CHTF18: variants seen among roughly 807,000 people sequenced by gnomAD.
CHTF18 encodes chromosome transmission fidelity protein 18 homolog.
CHTF18 carries 151 observed loss-of-function variants against 113.4 expected under a neutral mutation model. The observed-to-expected ratio is 1.33, with a 90% CI of 1.17 to 1.52. The LOEUF is 1.52. CHTF18 is among the 40% of genes most tolerant of loss of function. The pLI is 0.00. For missense variants in CHTF18, 1,982 were observed against 1,381.6 expected (o/e 1.43, Z -6.89); for synonymous variants, 916 against 598.8 (o/e 1.53, Z -7.74).
intron 16 of CHTF18, 118 bp downstream of exon 16, chr16:795,474 C>T (rs1199961323): frequency 2.3e-6 from 1 of 437,712 alleles, no homozygotes; most frequent in Non-Finnish European, 3.8e-6. Flanking sequence ...GTGTGGCTGC[C>T]CCCGGCCCCG....
chr16:791,433 C>G (rs533940723), intron 8 of CHTF18, 63 bp downstream of exon 8: 2 of 1,501,560 alleles, frequency 1.3e-6, no homozygotes, highest in South Asian at 1.3e-5. Flanking sequence ...CGCCGGCACC[C>G]TTGCAGCCTG....
In CHTF18 at chr16:794,152, G is replaced by C. The variant is rs757008894; in HGVS notation, c.1901G>C (p.Arg634Pro). ...ACCTCCGCCTCACAGCGATTCTACC[G>C]TGTCCTGCATGCCGCTGCCTCTGCG... The part of the protein sequence containing the change: ...SLTSASQRFY[R>P]VLHAAASAGE... The change falls in exon 15 of 22, where the codon CGT (arginine) becomes CCT (proline). Residue 634 changes from arginine (R) to proline (P), a missense_variant. By Grantham distance (103) the Arg-to-Pro change is moderately radical. Coordinates refer to ENST00000262315, the MANE Select transcript of CHTF18 (RefSeq NM_022092.3). 94 of 1,612,324 alleles carry C rather than the reference G, an allele frequency of 5.8e-5. No homozygotes were observed. In the East Asian group the frequency reaches 1.1e-3, roughly 19 times the overall value.
intron 4 of CHTF18, 143 bp downstream of exon 4, chr16:789,858 G>A (rs931604822): frequency 4.5e-6 from 6 of 1,327,756 alleles, no homozygotes; most frequent in East Asian, 2.5e-5. Flanking sequence ...TGCGTCATGG[G>A]GCGTAGACTT....
chr16:789,382 G>A (rs755845947), intron 3 of CHTF18, 22 bp downstream of exon 3: 17 of 1,563,648 alleles, frequency 1.1e-5, no homozygotes, highest in East Asian at 4.5e-5. Context: ...GGACATGGGC[G>A]TCCCATCCCA....
At position 796,504 on chromosome 16, in the gene CHTF18, A is replaced by G. The variant is rs1329908307; in HGVS notation, c.2457-213A>G. The stretch of plus-strand genomic sequence containing the variant: ...GTGGCAGCCATCGGCAGGTTTCATC[A>G]TCATCCCACGTACACTTGCAGTTGG... On this transcript the variant is annotated intron_variant, in intron 18 of 21. Coordinates refer to ENST00000262315, the MANE Select transcript of CHTF18 (RefSeq NM_022092.3). 6.6e-6 allele frequency: 4 copies of G among 610,190 alleles called. No homozygotes were observed. The South Asian group carries it at 6.6e-5, about 10-fold the overall frequency. The allele number at this position is 610,190 out of a possible 1,614,324, so 37.8% of individuals were successfully genotyped here.
chr16:795,755 G>A lies in CHTF18; in HGVS notation c.2246G>A (p.Arg749His), dbSNP rs758990918. 14 of 1,608,044 alleles carry A rather than the reference G, an allele frequency of 8.7e-6. No individual in the cohort carries two copies. The highest frequency in any genetic ancestry group is 5.5e-5 in the South Asian group (5 of 90,552). The stretch of plus-strand genomic sequence containing the variant: ...GTGTCCGGCATCGCGCCAGCCACGC[G>A]CAGCCGGGCCACGCCCCAGGCCCTG... ...TLVSGIAPAT[R>H]SRATPQALLL... Residue 749 changes from arginine to histidine, a missense_variant, in exon 17 of 22, where the codon CGC becomes CAC. Coordinates refer to ENST00000262315, the MANE Select transcript of CHTF18 (RefSeq NM_022092.3).
In CHTF18 at chr16:790,624, T is replaced by A. The variant is rs61754097; in HGVS notation, c.852T>A (p.Asp284Glu). The stretch of plus-strand genomic sequence containing the variant: ...CCTCCAGTCACTGCCTCTGGGTGGA[T>A]GAGTTTGCACCCCGCCACTACACGG... Reference protein sequence around the residue: ...QDASSHCLWVDEFAPRHYTEL... With the variant: ...QDASSHCLWVEEFAPRHYTEL... Residue 284 changes from aspartate to glutamate, a missense_variant, in exon 7 of 22, where the codon GAT becomes GAA. Coordinates refer to ENST00000262315, the MANE Select transcript of CHTF18 (RefSeq NM_022092.3). 1.1e-3 allele frequency: 1,727 copies of A among 1,589,444 alleles called. 12 individuals are homozygous for A. The African/African-American group carries it at 0.017, about 16-fold the overall frequency.
Position 788,644 on chromosome 16 carries a change from G to T in CHTF18, c.-41G>T. ...CGGGCAGTGCGCGACGGCGGCGGCG[G>T]CGCGGGAGGTTCGGAGCGGGAGCTC... On this transcript the variant is annotated 5_prime_UTR_variant, in exon 1 of 22. Transcript: ENST00000262315. 1.4e-6 allele frequency: 2 copies of T among 1,441,606 alleles called. No individual in the cohort carries two copies. Among genetic ancestry groups the T allele is most frequent in the Non-Finnish European group, 9.2e-7 (1 of 1,087,324 alleles). 89.3% of individuals were successfully genotyped at this position (1,441,606 alleles called of 1,614,324 possible).
intron 11 of CHTF18, 61 bp downstream of exon 11, chr16:792,651 G>C (rs571963321): frequency 6.3e-6 from 10 of 1,591,136 alleles, no homozygotes; most frequent in Non-Finnish European, 8.5e-6. Flanking sequence ...GGAGGGTTCC[G>C]GCCCGTCCCT....
chr16:792,651 G>GGCC, intron 11 of CHTF18, 61 bp downstream of exon 11: 1 of 1,591,252 alleles, frequency 6.3e-7, no homozygotes, highest in Non-Finnish European at 8.5e-7. Flanking sequence ...GGAGGGTTCC[G>GGCC]GCCCGTCCCT....
intron 18 of CHTF18, chr16:796,479 G>A (rs891855898): frequency 1.7e-5 from 10 of 589,150 alleles, no homozygotes; most frequent in East Asian, 3.0e-5. Flanking sequence ...GTCACTCTCC[G>A]TGGCAGCCAT....
Position 798,069 on chromosome 16 carries a change from CTG to C in CHTF18, c.*96_*97del, listed in dbSNP as rs1445860693. ...CTTTATAAAGTCACACCTTTACAGA[CTG>C]TAATCACGTGCGAGTGGAGTGGGGT... On this transcript the variant is annotated 3_prime_UTR_variant, in exon 22 of 22. Transcript: ENST00000262315. The C allele has an allele frequency of 8.1e-6, 12 of 1,480,634 alleles. No homozygotes were observed. Among genetic ancestry groups the C allele is most frequent in the South Asian group, 1.3e-5 (1 of 77,684 alleles). 91.7% of individuals were successfully genotyped at this position (1,480,634 alleles called of 1,614,324 possible). A position where few individuals can be genotyped will look rare whatever the true frequency, so the allele number is the denominator to read the frequency against.
rs755590665 is a variant in CHTF18, at chr16:795,148, TC to T, written c.1969del (p.Leu657CysfsTer74). ...CGCCTGCAGGGCTTGTTTGACAACT[TC>T]CTGCGTCTGCGGCTGCGAGACTCCA... ...EKVVQGLFDNFLRLRLRDSSL... is the reference protein window; with the variant it reads ...EKVVQGLFDNXLRLRLRDSSL... On this transcript the variant is annotated frameshift_variant, in exon 16 of 22. Transcript: ENST00000262315. LOFTEE classifies it high-confidence loss of function. 73 of 1,550,770 alleles carry T rather than the reference TC, an allele frequency of 4.7e-5. No individual in the cohort carries two copies. Among genetic ancestry groups the T allele is most frequent in the Non-Finnish European group, 6.2e-5 (71 of 1,147,486 alleles).
intron 14 of CHTF18, 62 bp from the exon 15 acceptor site, chr16:793,992 G>C: frequency 6.4e-7 from 1 of 1,562,350 alleles, no homozygotes; most frequent in East Asian, 2.3e-5. Flanking sequence ...GTCCCGGGGA[G>C]ACGGGTGGGG....
At chr16:791,569 T>C in intron 8 of CHTF18, 199 bp downstream of exon 8, 1 of 1,433,626 alleles carries the variant, frequency 7.0e-7, no homozygotes, top group Non-Finnish European at 9.1e-7. Flanking sequence ...TGAAGGGCTC[T>C]GCGGCTGGCC....
Position 788,632 on chromosome 16 carries a change from A to ACGGCGG in CHTF18, c.-44_-39dup. ...GCACGCTCGGGGCGGGCAGTGCGCG[A>ACGGCGG]CGGCGGCGGCGGCGCGGGAGGTTCG... is the stretch of plus-strand genomic sequence containing the variant. On this transcript the variant is annotated 5_prime_UTR_variant, in exon 1 of 22. Coordinates refer to ENST00000262315, the MANE Select transcript of CHTF18 (RefSeq NM_022092.3). 5 of 1,381,108 alleles carry ACGGCGG rather than the reference A, an allele frequency of 3.6e-6. No homozygotes were observed. The highest frequency in any genetic ancestry group is 4.8e-6 in the Non-Finnish European group (5 of 1,046,188). The allele number at this position is 1,381,108 out of a possible 1,614,324, so 85.6% of individuals were successfully genotyped here.
In CHTF18 at chr16:798,066, A is replaced by G; in HGVS notation, c.*91A>G. 6.7e-7 allele frequency: 1 copy of G among 1,498,456 alleles called. No individual in the cohort carries two copies. 92.8% of individuals were successfully genotyped at this position (1,498,456 alleles called of 1,614,324 possible). On this transcript the variant is annotated 3_prime_UTR_variant, in exon 22 of 22. Coordinates refer to ENST00000262315, the MANE Select transcript of CHTF18 (RefSeq NM_022092.3). ...TGTCTTTATAAAGTCACACCTTTAC[A>G]GACTGTAATCACGTGCGAGTGGAGT...
intron 11 of CHTF18, 36 bp downstream of exon 11, chr16:792,626 C>T (rs1230647589): frequency 6.3e-7 from 1 of 1,592,014 alleles, no homozygotes; most frequent in East Asian, 2.2e-5. Context: ...TCAGGAGAGG[C>T]TCTGGTGCCT....
intron 8 of CHTF18, chr16:791,644 T>A (rs2042198987): frequency 3.5e-6 from 5 of 1,429,728 alleles, no homozygotes; most frequent in Non-Finnish European, 4.6e-6. Flanking sequence ...AGCTGTGTTT[T>A]GTCTGCACGA....
Sources: allele counts gnomAD v4.1 joint callset, GRCh38; gene constraint gnomAD v4.1.1; transcripts MANE v1.5; gene names NCBI Gene and HGNC (gene_info 2026-07-23, HGNC 2026-07-21).